KIAA1549L: variants seen among roughly 807,000 people sequenced by gnomAD.
KIAA1549L encodes UPF0606 protein KIAA1549L.
Under a neutral mutation model 160.7 loss-of-function variants are expected in KIAA1549L, and 88 were observed. That is an observed-to-expected ratio of 0.55 (90% CI 0.46 to 0.65). KIAA1549L has a LOEUF of 0.65. Among genes scored for constraint, KIAA1549L ranks in the 30% least tolerant of loss-of-function variants. KIAA1549L has a pLI of 0.00. For missense variants in KIAA1549L, 2,258 were observed against 2,437.5 expected (o/e 0.93, Z 1.55); for synonymous variants, 950 against 976.7 (o/e 0.97, Z 0.51).
chr11:33,460,638 A>G (rs1851923887), intron 1 of KIAA1549L, among the ~76,000 whole-genome samples: 2 of 152,216 alleles, frequency 1.3e-5, no homozygotes, highest in Non-Finnish European at 2.9e-5. Flanking sequence ...ACTTGGTTAC[A>G]TGTTGTTGGT....
At position 33,669,983 on chromosome 11, in the gene KIAA1549L, G is replaced by A. The variant is rs966405791; in HGVS notation, c.*1829G>A. 24 of 152,158 alleles carry A rather than the reference G, an allele frequency of 1.6e-4. No homozygotes were observed. Among genetic ancestry groups the A allele is most frequent in the African/African-American group, 5.8e-4 (24 of 41,444 alleles). The allele number at this position is 152,158 out of a possible 1,614,324, so 9.4% of individuals were successfully genotyped here. ...GGTATATTTCTATCAATGGCCAGTTGTTGTAGTCCAAAACCTAAATCAGTT... is the reference window on the plus strand; with the variant it reads ...GGTATATTTCTATCAATGGCCAGTTATTGTAGTCCAAAACCTAAATCAGTT... On this transcript the variant is annotated 3_prime_UTR_variant, in exon 21 of 21. Transcript: ENST00000658780.
intron 1 of KIAA1549L, among the ~76,000 whole-genome samples, chr11:33,520,618 C>A (rs1291383746): frequency 6.6e-6 from 1 of 150,494 alleles, no homozygotes; most frequent in Non-Finnish European, 1.5e-5. Flanking sequence ...GAAATATTGA[C>A]ACTAAAATGG....
intron 11 of KIAA1549L, among the ~76,000 whole-genome samples, chr11:33,587,040 C>A (rs1246325277): frequency 6.6e-6 from 1 of 152,144 alleles, no homozygotes; most frequent in East Asian, 1.9e-4. Context: ...AACCTCTGTG[C>A]CTCAATTTTT....
chr11:33,475,613 G>A (rs1037664053), intron 1 of KIAA1549L, among the ~76,000 whole-genome samples: 2 of 151,152 alleles, frequency 1.3e-5, no homozygotes, highest in Non-Finnish European at 2.9e-5. Flanking sequence ...AGCACCTTAG[G>A]AGGCAGAGGC....
intron 16 of KIAA1549L, among the ~76,000 whole-genome samples, chr11:33,629,953 A>G (rs1851232287): frequency 6.6e-6 from 1 of 150,912 alleles, no homozygotes; most frequent in African/African-American, 2.5e-5. Context: ...GGTGATGTAC[A>G]GATGGTTTTT....
intron 1 of KIAA1549L, among the ~76,000 whole-genome samples, chr11:33,401,132 A>G (rs1452565565): frequency 1.3e-5 from 2 of 151,852 alleles, no homozygotes; most frequent in African/African-American, 2.4e-5. Context: ...TTGTCTCTGT[A>G]GTATGATCTG....
chr11:33,440,121 T>C (rs1358194286), intron 1 of KIAA1549L, among the ~76,000 whole-genome samples: 1 of 25,746 alleles, frequency 3.9e-5, no homozygotes, highest in Non-Finnish European at 7.1e-5. Flanking sequence ...ATTTTGTTTC[T>C]TTTTTTTTTT....
At chr11:33,604,797 G>A (rs956673218) in intron 13 of KIAA1549L, among the ~76,000 whole-genome samples, 1 of 152,176 alleles carries the variant, frequency 6.6e-6, no homozygotes, top group Non-Finnish European at 1.5e-5. Flanking sequence ...TTTGGGGACA[G>A]AGGAGAGGGT....
chr11:33,657,021 C>T (rs1852089167), intron 18 of KIAA1549L, among the ~76,000 whole-genome samples: 1 of 152,110 alleles, frequency 6.6e-6, no homozygotes, highest in Admixed American at 6.5e-5. Context: ...CTCCAGGGTT[C>T]CCCAGAAAGG....
rs763871727 is a variant in KIAA1549L at position 33,542,448 on chromosome 11, T to G, written c.885T>G (p.Ser295=). Residue 295 remains serine, a synonymous_variant, in exon 2 of 21, where the codon TCT becomes TCG. Transcript: ENST00000658780. ...TAGCTAATCCCTTAATCCCATTTTC[T>G]GATGAAATGGACCACACTGCATCCC... ...QNIANPLIPF[S]DEMDHTASQN... The G allele has an allele frequency of 1.9e-6, 3 of 1,605,858 alleles. No homozygotes were observed. Among genetic ancestry groups the G allele is most frequent in the Admixed American group, 1.7e-5 (1 of 59,386 alleles).
intron 16 of KIAA1549L, among the ~76,000 whole-genome samples, chr11:33,625,320 T>C (rs1013220483): frequency 1.3e-5 from 2 of 152,128 alleles, no homozygotes; most frequent in Admixed American, 1.3e-4. Flanking sequence ...TCTATATCCC[T>C]GAGGAATCGC....
intron 1 of KIAA1549L, among the ~76,000 whole-genome samples, chr11:33,469,173 G>A (rs184341617): frequency 2.0e-4 from 31 of 152,078 alleles, no homozygotes; most frequent in South Asian, 1.0e-3. Context: ...AACAAACCCC[G>A]TTATCTATTA....
At chr11:33,478,669 A>C (rs191230902) in intron 1 of KIAA1549L, among the ~76,000 whole-genome samples, 163 of 152,344 alleles carry the variant, frequency 1.1e-3, no homozygotes, top group Non-Finnish European at 2.0e-3. Flanking sequence ...TCACAGTTCA[A>C]GCCCTTCACT....
At chr11:33,389,122 A>G (rs113622612) in intron 1 of KIAA1549L, among the ~76,000 whole-genome samples, 1 of 152,374 alleles carries the variant, frequency 6.6e-6, no homozygotes, top group African/African-American at 2.4e-5. Context: ...ATGCAGTTCA[A>G]GTAAATGGGG....
chr11:33,456,533 C>T (rs1203644081), intron 1 of KIAA1549L, among the ~76,000 whole-genome samples: 1 of 152,076 alleles, frequency 6.6e-6, no homozygotes, highest in East Asian at 1.9e-4. Flanking sequence ...ACCTCAGCCT[C>T]CCTAGTAGCT....
chr11:33,435,712 G>A (rs553613020), intron 1 of KIAA1549L, among the ~76,000 whole-genome samples: 1 of 134,720 alleles, frequency 7.4e-6, no homozygotes, highest in African/African-American at 2.8e-5. Flanking sequence ...TAACCCTGAA[G>A]TAGTATATTT....
intron 1 of KIAA1549L, among the ~76,000 whole-genome samples, chr11:33,517,971 C>T (rs570325700): frequency 4.6e-5 from 7 of 151,894 alleles, no homozygotes; most frequent in Non-Finnish European, 1.0e-4. Flanking sequence ...GAAACCCCAT[C>T]TCTACTCAAA....
chr11:33,584,440 G>A (rs921024667), intron 11 of KIAA1549L, among the ~76,000 whole-genome samples: 7 of 152,244 alleles, frequency 4.6e-5, no homozygotes, highest in Admixed American at 1.3e-4. Context: ...CACCCACTGC[G>A]GCCTCCACAT....
intron 1 of KIAA1549L, among the ~76,000 whole-genome samples, chr11:33,432,730 A>G (rs1467784674): frequency 1.3e-5 from 2 of 152,244 alleles, no homozygotes; most frequent in African/African-American, 2.4e-5. Context: ...TGGTACCAAA[A>G]GAGACATATA....
Sources: allele counts gnomAD v4.1 joint callset (sites outside exome capture counted in the v4.1 genomes callset), GRCh38; gene constraint gnomAD v4.1.1; transcripts MANE v1.5; gene names NCBI Gene and HGNC (gene_info 2026-07-23, HGNC 2026-07-21).